The following CCND3 variants were observed in gnomAD, a reference collection of about 807,000 sequenced individuals.
CCND3 encodes the protein cyclin D3.
Under a neutral mutation model 28.7 loss-of-function variants are expected in CCND3, and 9 were observed. The observed-to-expected ratio is 0.31, with a 90% CI of 0.19 to 0.55. CCND3 has a LOEUF of 0.55. Ranked by LOEUF, CCND3 falls within the 20% of genes least tolerant of loss-of-function variation. The probability of loss-of-function intolerance (pLI) is 0.93; values close to 1 mark genes in which losing one functional copy is unlikely to be tolerated. For synonymous variants in CCND3, 164 were observed against 163.9 expected (o/e 1.00, Z 0.00); for missense variants, 315 against 385.8 (o/e 0.82, Z 1.54).
chr6:42,022,711 T>C (rs77898797), intron 1 of CCND3, among the ~76,000 whole-genome samples: 5,862 of 152,278 alleles, frequency 0.038, 174 homozygotes, highest in Middle Eastern at 0.075. Context: ...CCTTTACACA[T>C]GCGTGGGTCT....
At chr6:41,940,940 C>A in intron 1 of CCND3, 1 of 1,610,794 alleles carries the variant, frequency 6.2e-7, no homozygotes, top group Non-Finnish European at 8.5e-7. Context: ...TCACCGCCAC[C>A]ACTGCACACA....
At position 41,940,399 on chromosome 6, in the gene CCND3, C is replaced by A. The variant is rs767841702; in HGVS notation, c.385G>T (p.Asp129Tyr). 2 of 1,614,002 alleles carry A rather than the reference C, an allele frequency of 1.2e-6. No homozygotes were observed. Among genetic ancestry groups the A allele is most frequent in the South Asian group, 2.2e-5 (2 of 91,072 alleles). Reference protein sequence around the residue: ...LTIEKLCIYTDHAVSPRQLRD... With the variant: ...LTIEKLCIYTYHAVSPRQLRD... ...AACTGGCGGGGAGAGACAGCGTGGT[C>A]GGTGTAGATGCACAGTTTTTCGATG... The change falls in exon 2 of 5, where the codon GAC becomes TAC. Residue 129 changes from aspartate (D) to tyrosine (Y), a missense_variant. Physicochemically the swap from Asp to Tyr is radical, Grantham distance 160 (BLOSUM62 -3). Transcript: ENST00000372991.
intron 1 of CCND3, among the ~76,000 whole-genome samples, chr6:41,967,577 G>C (rs1761921043): frequency 6.6e-6 from 1 of 152,190 alleles, no homozygotes; most frequent in African/African-American, 2.4e-5. Flanking sequence ...AAATGCAGAT[G>C]CTAATTCAAC....
At chr6:41,953,972 C>T (rs1776376379) in intron 1 of CCND3, among the ~76,000 whole-genome samples, 1 of 151,640 alleles carries the variant, frequency 6.6e-6, no homozygotes, top group African/African-American at 2.4e-5. Context: ...TTTTGGTGGC[C>T]GGGGGCAGTG....
Position 41,966,860 on chromosome 6 carries a change from G to A in CCND3, c.-45-26275C>T, listed in dbSNP as rs556749639. Among the ~76,000 whole-genome samples the A allele has an allele frequency of 4.6e-5, 7 of 152,268 alleles. No homozygotes were observed. The East Asian group carries it at 1.3e-3, about 29-fold the overall frequency. On this transcript the variant is annotated intron_variant, in intron 1 of 4. Coordinates refer to the CCND3 transcript ENST00000372988. ...TGACCCCTTAAGCCCTCTACAGCAT[G>A]AATAATTGAGAATTCACACAAATTC... is the stretch of plus-strand genomic sequence containing the variant.
At chr6:41,943,125 G>C (rs969715185), upstream of CCND3, among the ~76,000 whole-genome samples, 1 of 152,076 alleles carries the variant, frequency 6.6e-6, no homozygotes, top group Non-Finnish European at 1.5e-5. Context: ...GCCTCCAAAA[G>C]TGCTGGGATT....
In CCND3 at chr6:41,950,713, C is replaced by CT. The variant is rs760874931; in HGVS notation, c.-45-10129dup. 1.5e-3 allele frequency among the ~76,000 whole-genome samples: 203 copies of CT among 137,156 alleles called. 3 individuals carry two copies. The highest frequency in any genetic ancestry group is 1.9e-3 in the African/African-American group (72 of 37,734). 90.0% of individuals were successfully genotyped at this position (137,156 alleles called of 152,430 possible). On this transcript the variant is annotated intron_variant, in intron 1 of 4. Coordinates refer to the CCND3 transcript ENST00000372988. ...GATGAGAAGACTCCCTTTTTTTTTT[C>CT]TTTTTTTTTTTTTGAGATGGAGTCT...
intron 1 of CCND3, among the ~76,000 whole-genome samples, chr6:42,014,276 A>G (rs1261381777): frequency 1.3e-5 from 2 of 150,798 alleles, no homozygotes; most frequent in African/African-American, 4.9e-5. Context: ...CTGAGGCAGG[A>G]GAATGGCGTG....
intron 1 of CCND3, among the ~76,000 whole-genome samples, chr6:41,955,924 C>T (rs1323685815): frequency 2.0e-5 from 3 of 151,958 alleles, no homozygotes; most frequent in Non-Finnish European, 2.9e-5. Flanking sequence ...GGCAGCAGAG[C>T]GAAACCGTAT....
intron 1 of CCND3, among the ~76,000 whole-genome samples, chr6:42,043,251 G>A (rs1055107068): frequency 1.1e-4 from 17 of 152,110 alleles, no homozygotes; most frequent in Non-Finnish European, 2.2e-4. Context: ...AAAACTAGCT[G>A]AGTATGCTGG....
upstream of CCND3, among the ~76,000 whole-genome samples, chr6:41,942,872 C>CTTTTTT (rs60884050): frequency 3.4e-4 from 28 of 82,578 alleles, no homozygotes; most frequent in African/African-American, 5.7e-4. Flanking sequence ...GTTAATTATT[C>CTTTTTT]TTTTTTTTTT....
At chr6:42,019,508 A>G (rs1166111514) in intron 1 of CCND3, among the ~76,000 whole-genome samples, 3 of 150,234 alleles carry the variant, frequency 2.0e-5, no homozygotes, top group Admixed American at 6.7e-5. Context: ...AAAAAAAAAA[A>G]GGAAAGGAAA....
intron 1 of CCND3, among the ~76,000 whole-genome samples, chr6:42,022,926 A>G (rs1763754876): frequency 6.6e-6 from 1 of 152,242 alleles, no homozygotes; most frequent in African/African-American, 2.4e-5. Context: ...GCCAGGCAGT[A>G]GATATGCAGA....
chr6:41,948,392 G>A (rs1776222210), intron 1 of CCND3, among the ~76,000 whole-genome samples: 1 of 151,326 alleles, frequency 6.6e-6, no homozygotes, highest in Admixed American at 6.6e-5. Flanking sequence ...GCTGGAAGCA[G>A]TGGCATGATA....
chr6:41,936,227 G>T lies in CCND3; in HGVS notation c.712-120C>A. ...TCTGGGGAGGTTAGGCCACAGCCCG[G>T]CCCCAGGAATCGCTCTTTAGTTCTC... On this transcript the variant is annotated intron_variant, in intron 4 of 4. Transcript: ENST00000372991. This position sits in a 1 kb window ranked among gnomAD's most constrained non-coding sequence, Gnocchi z 4.4. 2 of 1,114,992 alleles carry T rather than the reference G, an allele frequency of 1.8e-6. No individual in the cohort carries two copies. Among genetic ancestry groups the T allele is most frequent in the African/African-American group, 1.6e-5 (1 of 63,910 alleles). The allele number at this position is 1,114,992 out of a possible 1,614,324, so 69.1% of individuals were successfully genotyped here. A position where few individuals can be genotyped will look rare whatever the true frequency, so the allele number is the denominator to read the frequency against.
At chr6:41,977,863 T>C (rs1201695184) in intron 1 of CCND3, among the ~76,000 whole-genome samples, 1 of 152,120 alleles carries the variant, frequency 6.6e-6, no homozygotes, top group East Asian at 1.9e-4. Context: ...CCTCCCAGCC[T>C]GGCCAACATT....
intron 1 of CCND3, among the ~76,000 whole-genome samples, chr6:42,007,842 T>C (rs1338244798): frequency 2.0e-5 from 3 of 152,070 alleles, no homozygotes. Flanking sequence ...AAGCACATAA[T>C]GTTGCTTTAA....
At chr6:42,032,566 G>A (rs991557399) in intron 1 of CCND3, among the ~76,000 whole-genome samples, 3 of 152,240 alleles carry the variant, frequency 2.0e-5, no homozygotes, top group Admixed American at 6.5e-5. Context: ...GGGCACGCCC[G>A]CCTAGACTGC....
At chr6:42,046,994 G>A (rs534428104) in intron 1 of CCND3, among the ~76,000 whole-genome samples, 8 of 152,268 alleles carry the variant, frequency 5.3e-5, no homozygotes, top group African/African-American at 1.2e-4. Context: ...GCGTTTCCTC[G>A]TCTATAAAAT....
Sources: allele counts gnomAD v4.1 joint callset (sites outside exome capture counted in the v4.1 genomes callset), GRCh38; gene constraint gnomAD v4.1.1; non-coding constraint Gnocchi (gnomAD v3.1); transcripts MANE v1.5; gene names NCBI Gene and HGNC (gene_info 2026-07-23, HGNC 2026-07-21).